CSMD1: variants seen among roughly 807,000 people sequenced by gnomAD.
CSMD1 encodes CUB and Sushi multiple domains 1.
In CSMD1, 213 loss-of-function variants were observed where a neutral mutation model predicts 417.5. The observed-to-expected ratio is 0.51, with a 90% CI of 0.46 to 0.57. The LOEUF is 0.57. CSMD1 is among the 20% of genes least tolerant of loss of function. The pLI is 0.00. For synonymous variants in CSMD1, 2,862 were observed against 1,736.8 expected (o/e 1.65, Z -16.11); for missense variants, 6,923 against 4,529.7 (o/e 1.53, Z -15.17).
chr8:3,462,476 G>C (rs1585201158), intron 12 of CSMD1, among the ~76,000 whole-genome samples: 1 of 152,152 alleles, frequency 6.6e-6, no homozygotes, highest in South Asian at 2.1e-4. Flanking sequence ...TCCTAGGAGT[G>C]TGAACCCTAT....
chr8:3,407,330 C>G (rs10087509), intron 14 of CSMD1, among the ~76,000 whole-genome samples: 21,216 of 149,788 alleles, frequency 0.14, 1,537 homozygotes, highest in Middle Eastern at 0.21. Context: ...TGGATGGACA[C>G]ATGGATGAAT....
At chr8:4,785,302 T>C (rs1286952099) in intron 1 of CSMD1, among the ~76,000 whole-genome samples, 3 of 152,284 alleles carry the variant, frequency 2.0e-5, no homozygotes, top group African/African-American at 7.2e-5. Context: ...TTGGGCAAGT[T>C]ACTGGGGTGC....
At chr8:3,801,464 G>C (rs912420955) in intron 5 of CSMD1, among the ~76,000 whole-genome samples, 2 of 152,148 alleles carry the variant, frequency 1.3e-5, no homozygotes, top group African/African-American at 2.4e-5. Flanking sequence ...TCACTGGACA[G>C]ATGATAATAG....
chr8:3,985,548 G>A (rs535003165), intron 5 of CSMD1, among the ~76,000 whole-genome samples: 2 of 152,150 alleles, frequency 1.3e-5, no homozygotes, highest in East Asian at 3.9e-4. Flanking sequence ...TTACTCCATG[G>A]ATTGCTCTAC....
chr8:4,902,032 T>C (rs1490088251), intron 1 of CSMD1, among the ~76,000 whole-genome samples: 2 of 152,168 alleles, frequency 1.3e-5, no homozygotes, highest in Non-Finnish European at 1.5e-5. Flanking sequence ...GATGCAAACA[T>C]ACTGTGGCTT....
At chr8:4,009,712 G>C (rs1816397111) in intron 4 of CSMD1, among the ~76,000 whole-genome samples, 1 of 152,024 alleles carries the variant, frequency 6.6e-6, no homozygotes, top group Non-Finnish European at 1.5e-5. Flanking sequence ...CAAAGAGTTG[G>C]TGGTCAGGAT....
Position 3,411,965 on chromosome 8 carries a change from TGCAC to T in CSMD1, c.1562-2364_1562-2361del, listed in dbSNP as rs1563361893. Among the ~76,000 whole-genome samples, 16 of 11,506 alleles carry T rather than the reference TGCAC, an allele frequency of 1.4e-3. 1 individual carries two copies. Among genetic ancestry groups the T allele is most frequent in the Non-Finnish European group, 2.5e-3 (13 of 5,204 alleles). The allele number at this position is 11,506 out of a possible 152,430, so 7.5% of individuals were successfully genotyped here. A position where few individuals can be genotyped will look rare whatever the true frequency, so the allele number is the denominator to read the frequency against. On this transcript the variant is annotated intron_variant, in intron 12 of 69. Coordinates refer to ENST00000635120, the MANE Select transcript of CSMD1 (RefSeq NM_033225.6). ...ATGCACGTATATATACACGTATATA[TGCAC>T]GTATATATACACGTATATATACGTG...
Position 3,197,355 on chromosome 8 carries a change from A to T in CSMD1, c.5194+2359T>A, listed in dbSNP as rs539476594. Reference sequence around the variant, plus strand: ...TAGCTATCCTACAACCACGGAAGACATAAAGTCTGTGTGCAATTTGAAGCT... The same window carrying T: ...TAGCTATCCTACAACCACGGAAGACTTAAAGTCTGTGTGCAATTTGAAGCT... On this transcript the variant is annotated intron_variant, in intron 33 of 69. Coordinates refer to ENST00000635120, the MANE Select transcript of CSMD1 (RefSeq NM_033225.6). Among the ~76,000 whole-genome samples, 5 of 152,352 alleles carry T rather than the reference A, an allele frequency of 3.3e-5. No individual in the cohort carries two copies. The East Asian group carries it at 9.7e-4, about 29-fold the overall frequency.
chr8:4,330,673 TA>T (rs1376896875), intron 3 of CSMD1, among the ~76,000 whole-genome samples: 2 of 152,184 alleles, frequency 1.3e-5, no homozygotes, highest in African/African-American at 4.8e-5. Context: ...CTTTAAGTTT[TA>T]CACTCCTAGG....
intron 3 of CSMD1, among the ~76,000 whole-genome samples, chr8:4,341,861 A>G (rs1344016505): frequency 6.6e-6 from 1 of 152,118 alleles, no homozygotes; most frequent in Non-Finnish European, 1.5e-5. Flanking sequence ...CCCAGCAGCC[A>G]CAGCTGATGT....
At chr8:3,755,024 T>G (rs559972030) in intron 5 of CSMD1, among the ~76,000 whole-genome samples, 1 of 152,250 alleles carries the variant, frequency 6.6e-6, no homozygotes, top group African/African-American at 2.4e-5. Context: ...AAAATATCCA[T>G]TTCACTTTAC....
At chr8:4,787,206 CCGCCAGGGGGCGCGCCTGGGGGCCG>C (rs780197615) in intron 1 of CSMD1, 6 of 466,814 alleles carry the variant, frequency 1.3e-5, no homozygotes, top group Non-Finnish European at 2.0e-5. Flanking sequence ...TCGCGGGGCC[CCGCCAGGGGGCGCGCCTGGGGGCCG>C]CGCCTCCTTC....
At chr8:4,823,440 C>T (rs1799631717) in intron 1 of CSMD1, among the ~76,000 whole-genome samples, 1 of 152,000 alleles carries the variant, frequency 6.6e-6, no homozygotes, top group East Asian at 1.9e-4. Flanking sequence ...TTAGTTTCCT[C>T]ACTCACTGGT....
At chr8:4,837,721 T>G (rs1188961558) in intron 1 of CSMD1, among the ~76,000 whole-genome samples, 1 of 152,120 alleles carries the variant, frequency 6.6e-6, no homozygotes, top group Non-Finnish European at 1.5e-5. Flanking sequence ...CTATAGTCAG[T>G]AATAACCGTA....
chr8:4,220,089 A>C (rs1349579269), intron 3 of CSMD1, among the ~76,000 whole-genome samples: 2 of 152,124 alleles, frequency 1.3e-5, no homozygotes, highest in Non-Finnish European at 2.9e-5. Context: ...ACCTGTGATT[A>C]CAGGCACGTG....
At chr8:3,794,699 A>G (rs889871956) in intron 5 of CSMD1, among the ~76,000 whole-genome samples, 20 of 152,184 alleles carry the variant, frequency 1.3e-4, no homozygotes, top group Middle Eastern at 6.8e-3. Flanking sequence ...TCACTGCTTG[A>G]CTGTAAACCT....
intron 3 of CSMD1, among the ~76,000 whole-genome samples, chr8:4,207,651 A>T (rs141699750): frequency 6.6e-6 from 1 of 152,156 alleles, no homozygotes; most frequent in Admixed American, 6.5e-5. Context: ...TTGTTTATGT[A>T]TTCCTACATA....
Position 3,004,543 on chromosome 8 carries a change from A to T in CSMD1, c.8030-4412T>A, listed in dbSNP as rs566292989. ...AAGAATTAGGAAAGAATGCTATGCAACTGTAAATTCATATGATTTTTAATC... is the reference window on the plus strand; with the variant it reads ...AAGAATTAGGAAAGAATGCTATGCATCTGTAAATTCATATGATTTTTAATC... On this transcript the variant is annotated intron_variant, in intron 52 of 69. Transcript: ENST00000635120. 2.0e-5 allele frequency among the ~76,000 whole-genome samples: 3 copies of T among 152,324 alleles called. No homozygotes were observed. In the South Asian group the frequency reaches 6.2e-4, roughly 32 times the overall value.
At chr8:4,238,285 G>T (rs1284337196) in intron 3 of CSMD1, among the ~76,000 whole-genome samples, 2 of 152,184 alleles carry the variant, frequency 1.3e-5, no homozygotes, top group African/African-American at 2.4e-5. Flanking sequence ...AGACATGAAT[G>T]AATGTGCTTC....
Sources: allele counts gnomAD v4.1 joint callset (sites outside exome capture counted in the v4.1 genomes callset), GRCh38; gene constraint gnomAD v4.1.1; transcripts MANE v1.5; gene names NCBI Gene and HGNC (gene_info 2026-07-23, HGNC 2026-07-21).